COL18A1: variants seen among roughly 807,000 people sequenced by gnomAD.
COL18A1 encodes collagen alpha-1(XVIII) chain.
A neutral mutation model predicts 168.0 loss-of-function variants in COL18A1; 133 were observed. The observed-to-expected ratio is 0.79, with a 90% CI of 0.69 to 0.91. The LOEUF is 0.91. Ranked by LOEUF, COL18A1 falls within the 40% of genes least tolerant of loss-of-function variation. COL18A1 has a pLI of 0.00. For synonymous variants in COL18A1, 949 were observed against 809.0 expected, an observed-to-expected ratio of 1.17 and a Z score of -2.94; for missense variants, 2,126 against 1,925.4, an observed-to-expected ratio of 1.10 and a Z score of -1.95.
rs563235714 is a variant in COL18A1 at position 45,473,080 on chromosome 21, G to A, written c.652-815G>A. On this transcript the variant is annotated intron_variant, in intron 3 of 41. Coordinates refer to ENST00000651438, the MANE Select transcript of COL18A1 (RefSeq NM_001379500.1). This position sits in a 1 kb window ranked among gnomAD's most constrained non-coding sequence, Gnocchi z 4.0. Reference sequence around the variant, plus strand: ...AGTGGAGCCCCTGGTACTGTGCGCAGCCCCCACCTGGCAGCCCCTTTTCCT... The same window carrying A: ...AGTGGAGCCCCTGGTACTGTGCGCAACCCCCACCTGGCAGCCCCTTTTCCT... Among the ~76,000 whole-genome samples, 1 of 152,344 alleles carries A rather than the reference G, an allele frequency of 6.6e-6. No homozygotes were observed. The highest frequency in any genetic ancestry group is 2.4e-5 in the African/African-American group (1 of 41,588).
intron 2 of COL18A1, chr21:45,456,915 C>G: frequency 7.2e-7 from 1 of 1,393,400 alleles, no homozygotes; most frequent in Middle Eastern, 1.9e-4. Flanking sequence ...CCACCCTTTC[C>G]TTTTTGCCTT....
chr21:45,509,939 G>T, intron 39 of COL18A1, 125 bp from the exon 40 acceptor site: 1 of 1,116,460 alleles, frequency 9.0e-7, no homozygotes, highest in Non-Finnish European at 1.3e-6. Context: ...TCACTTGCGC[G>T]CCTCCCGCTC....
intron 32 of COL18A1, among the ~76,000 whole-genome samples, chr21:45,499,109 C>T (rs1169377856): frequency 4.6e-5 from 7 of 152,328 alleles, no homozygotes; most frequent in Non-Finnish European, 1.0e-4. Context: ...GATTTCTCAA[C>T]AAAACGGGAG....
intron 7 of COL18A1, 38 bp from the exon 8 acceptor site, chr21:45,477,712 C>T (rs931118701): frequency 4.7e-6 from 7 of 1,502,648 alleles, no homozygotes; most frequent in African/African-American, 1.4e-5. Flanking sequence ...GTGTGGGGCC[C>T]CACCCCAGCC....
At chr21:45,479,431 T>C (rs1259570905) in intron 9 of COL18A1, among the ~76,000 whole-genome samples, 3 of 151,484 alleles carry the variant, frequency 2.0e-5, no homozygotes, top group Admixed American at 2.0e-4. Context: ...CGTGGACACA[T>C]GCACACACAC....
At chr21:45,492,622 G>A in intron 23 of COL18A1, 58 bp downstream of exon 23, 1 of 1,611,570 alleles carries the variant, frequency 6.2e-7, no homozygotes, top group Non-Finnish European at 8.5e-7. Context: ...TACAAGGCTG[G>A]GTGGGGTCCG....
At chr21:45,459,321 C>T (rs1403361765) in intron 2 of COL18A1, among the ~76,000 whole-genome samples, 3 of 151,808 alleles carry the variant, frequency 2.0e-5, no homozygotes, top group African/African-American at 4.9e-5. Context: ...CCTGACCCCT[C>T]GGGCAGACTT....
At chr21:45,436,077 A>G (rs2034087123) in intron 2 of COL18A1, among the ~76,000 whole-genome samples, 1 of 152,204 alleles carries the variant, frequency 6.6e-6, no homozygotes, top group Non-Finnish European at 1.5e-5. Flanking sequence ...TAAAGCCAGC[A>G]CAATGTGCAG....
chr21:45,507,311 C>T (rs554399774), intron 37 of COL18A1: 3 of 567,824 alleles, frequency 5.3e-6, no homozygotes, highest in South Asian at 1.9e-5. Flanking sequence ...AGGGAGGGCA[C>T]CCTCCTGTGG....
chr21:45,465,890 C>T (rs1435445568), intron 2 of COL18A1, among the ~76,000 whole-genome samples: 1 of 152,174 alleles, frequency 6.6e-6, no homozygotes, highest in East Asian at 1.9e-4. Flanking sequence ...GTGAGGGATG[C>T]AGGACATTGG....
rs956296251 is a variant in COL18A1 at position 45,463,871 on chromosome 21, T to C, written c.107-4371T>C. 2.0e-5 allele frequency among the ~76,000 whole-genome samples: 3 copies of C among 151,500 alleles called. No homozygotes were observed. The highest frequency in any genetic ancestry group is 2.0e-4 in the Admixed American group (3 of 15,228). On this transcript the variant is annotated intron_variant, in intron 2 of 41. Coordinates refer to ENST00000651438, the MANE Select transcript of COL18A1 (RefSeq NM_001379500.1). This position sits in a 1 kb window ranked among gnomAD's most constrained non-coding sequence, Gnocchi z 4.0. ...GAGATTGCACCACTGTACTCCAGCC[T>C]GGGCAACAAGAGCGAAACTCCATCT...
chr21:45,504,679 C>A, intron 34 of COL18A1, 123 bp downstream of exon 34: 1 of 827,452 alleles, frequency 1.2e-6, no homozygotes. Flanking sequence ...AGCTCAGCAG[C>A]CCCGACATGT....
intron 2 of COL18A1, among the ~76,000 whole-genome samples, chr21:45,429,201 G>A (rs779518811): frequency 2.6e-5 from 4 of 152,162 alleles, no homozygotes; most frequent in African/African-American, 4.8e-5. Context: ...GCGCCCAGCC[G>A]AGACTACAGC....
chr21:45,409,079 A>G (rs2033210225), intron 2 of COL18A1, among the ~76,000 whole-genome samples: 1 of 72,748 alleles, frequency 1.4e-5, no homozygotes, highest in Non-Finnish European at 2.7e-5. Context: ...CCCTCACCCC[A>G]CCCCCGGCAT....
intron 22 of COL18A1, 25 bp from the exon 23 acceptor site, chr21:45,492,510 G>A (rs769880602): frequency 1.9e-5 from 30 of 1,613,328 alleles, no homozygotes; most frequent in Non-Finnish European, 2.3e-5. Context: ...CTTTGTTTCC[G>A]ATTTTTCCTT....
intron 2 of COL18A1, among the ~76,000 whole-genome samples, chr21:45,429,930 G>A (rs886498299): frequency 9.9e-5 from 15 of 151,606 alleles, no homozygotes; most frequent in Non-Finnish European, 1.3e-4. Context: ...TCTCCCTCGC[G>A]CCCTCTCATT....
chr21:45,475,108 G>A (rs1007692011), intron 4 of COL18A1, among the ~76,000 whole-genome samples: 26 of 152,214 alleles, frequency 1.7e-4, no homozygotes, highest in African/African-American at 5.5e-4. Flanking sequence ...CCAGCCGGGC[G>A]TGCGCTGGGG....
At chr21:45,438,005 T>C (rs1159629014) in intron 2 of COL18A1, among the ~76,000 whole-genome samples, 1 of 36,512 alleles carries the variant, frequency 2.7e-5, no homozygotes, top group Admixed American at 2.8e-4. Flanking sequence ...GGCACTCTCC[T>C]GCACACACAC....
chr21:45,505,200 G>A lies in COL18A1; in HGVS notation c.2935G>A (p.Gly979Ser), dbSNP rs376598650. The A allele has an allele frequency of 1.4e-4, 229 of 1,603,118 alleles. No homozygotes were observed. The highest frequency in any genetic ancestry group is 1.3e-3 in the Middle Eastern group (8 of 6,004). ...PPGPQGPPGI[G>S]YEGRQGPPGP... is the part of the protein sequence containing the mutation. ...TGGACCTCAGGGACCCCCCGGCATC[G>A]GCTACGAGGGGCGCCAGGGCCCTCC... is the stretch of plus-strand genomic sequence containing the variant. Residue 979 changes from glycine (G) to serine (S), a missense_variant, in exon 35 of 42, where the codon GGC (glycine) becomes AGC (serine). Gly to Ser is a moderately conservative substitution (Grantham distance 56). Transcript: ENST00000651438.
Sources: gnomAD v4.1 joint callset for allele counts (sites outside exome capture counted in the v4.1 genomes callset) on GRCh38, gnomAD v4.1.1 for gene constraint, Gnocchi (gnomAD v3.1) non-coding constraint, MANE v1.5 for transcripts, NCBI Gene and HGNC (gene_info 2026-07-23, HGNC 2026-07-21) for gene names.